CLEC4C: variants seen among roughly 807,000 people sequenced by gnomAD.
CLEC4C encodes the protein C-type (calcium dependent, carbohydrate-recognition domain) lectin, superfamily member 11.
A neutral mutation model predicts 27.7 loss-of-function variants in CLEC4C; 17 were observed. The observed-to-expected ratio is 0.61, with a 90% CI of 0.42 to 0.92. The LOEUF (loss-of-function observed/expected upper bound fraction) is 0.92. CLEC4C is among the 40% of genes least tolerant of loss of function. The pLI is 0.00. For synonymous variants in CLEC4C, 80 were observed against 80.8 expected (o/e 0.99, Z 0.06); for missense variants, 244 against 257.3 (o/e 0.95, Z 0.35).
At chr12:7,730,565 A>G (rs994481252) in intron 5 of CLEC4C, among the ~76,000 whole-genome samples, 6 of 151,578 alleles carry the variant, frequency 4.0e-5, no homozygotes, top group African/African-American at 1.2e-4. Flanking sequence ...ACTTGAACCC[A>G]GGAGGCAGAG....
intron 2 of CLEC4C, among the ~76,000 whole-genome samples, chr12:7,743,969 G>A (rs918932001): frequency 7.9e-5 from 12 of 152,256 alleles, no homozygotes; most frequent in African/African-American, 2.6e-4. Context: ...AAGGCAAAGC[G>A]GGAGCTGGCA....
upstream of CLEC4C, among the ~76,000 whole-genome samples, chr12:7,748,525 CA>C (rs55874050): frequency 4.1e-4 from 58 of 141,900 alleles, no homozygotes; most frequent in Admixed American, 1.1e-3. Flanking sequence ...GACTCAGTCT[CA>C]AAAAAAAAAA....
chr12:7,748,503 G>A (rs955455401), upstream of CLEC4C, among the ~76,000 whole-genome samples: 1 of 151,702 alleles, frequency 6.6e-6, no homozygotes, highest in Non-Finnish European at 1.5e-5. Context: ...TCCACCCTGG[G>A]TGACAGAGCA....
At position 7,741,450 on chromosome 12, in the gene CLEC4C, G is replaced by T; in HGVS notation, c.206C>A (p.Thr69Asn). The T allele has an allele frequency of 6.2e-7, 1 of 1,608,834 alleles. No individual in the cohort carries two copies. The highest frequency in any genetic ancestry group is 8.5e-7 in the Non-Finnish European group (1 of 1,175,064). The stretch of plus-strand genomic sequence containing the variant: ...TATGTCCTTTCCTTCCATGACGCAG[G>T]TCAGGCTTGGATGATACTGTTGATA... Reference protein sequence around the residue: ...REYQQYHPSLTCVMEGKDIED... With the variant: ...REYQQYHPSLNCVMEGKDIED... The change falls in exon 3 of 6, where the codon ACC becomes AAC. Residue 69 changes from threonine to asparagine, a missense_variant. Transcript: ENST00000360345.
At chr12:7,748,255 CG>C, upstream of CLEC4C, among the ~76,000 whole-genome samples, 4 of 152,256 alleles carry the variant, frequency 2.6e-5, no homozygotes, top group Admixed American at 2.6e-4. Context: ...GAGCTGGGCA[CG>C]GTGGCTCATG....
In CLEC4C at chr12:7,729,744, A is replaced by C. The variant is rs1565458259; in HGVS notation, c.498-4T>G. The C allele has an allele frequency of 6.2e-7, 1 of 1,613,454 alleles. No homozygotes were observed. Among genetic ancestry groups the C allele is most frequent in the African/African-American group, 1.3e-5 (1 of 75,024 alleles). On this transcript the variant is annotated splice_polypyrimidine_tract_variant and splice_region_variant and intron_variant, in intron 5 of 5. Coordinates refer to ENST00000360345, the MANE Select transcript of CLEC4C (RefSeq NM_001371390.1). Reference sequence around the variant, plus strand: ...GGGTTCACCTGAGTGCCAGAATCTGAAAGGTAGATAAAGGACAGTGGTGTT... The same window carrying C: ...GGGTTCACCTGAGTGCCAGAATCTGCAAGGTAGATAAAGGACAGTGGTGTT...
At chr12:7,732,136 T>C (rs1720850905) in intron 4 of CLEC4C, among the ~76,000 whole-genome samples, 1 of 151,770 alleles carries the variant, frequency 6.6e-6, no homozygotes, top group African/African-American at 2.4e-5. Context: ...TTCAAGTGAG[T>C]ATCCTGCCGC....
upstream of CLEC4C, chr12:7,748,997 C>A (rs1334668088): frequency 2.0e-5 from 3 of 152,218 alleles, no homozygotes; most frequent in Non-Finnish European, 4.4e-5. Flanking sequence ...TTGCTCACTA[C>A]TTCTTCCCCC....
chr12:7,735,472 C>T (rs771826609), intron 4 of CLEC4C, among the ~76,000 whole-genome samples: 2 of 146,250 alleles, frequency 1.4e-5, no homozygotes, highest in South Asian at 2.2e-4. Flanking sequence ...CACTGCACTC[C>T]AGCCTGGGCG....
At chr12:7,745,209 G>C (rs1054333934) in intron 2 of CLEC4C, among the ~76,000 whole-genome samples, 2 of 151,846 alleles carry the variant, frequency 1.3e-5, no homozygotes, top group East Asian at 1.9e-4. Flanking sequence ...GGTTATGAGG[G>C]GGGGCTCTCA....
chr12:7,735,417 C>T (rs12231017), intron 4 of CLEC4C, among the ~76,000 whole-genome samples: 21,762 of 150,454 alleles, frequency 0.14, 1,659 homozygotes, highest in East Asian at 0.31. Context: ...ACAGGAGAAT[C>T]GCTTGAACCC....
At chr12:7,734,101 T>A (rs1018418621) in intron 4 of CLEC4C, among the ~76,000 whole-genome samples, 1 of 152,004 alleles carries the variant, frequency 6.6e-6, no homozygotes, top group Non-Finnish European at 1.5e-5. Context: ...TTGACATAGG[T>A]TTTCAGATTA....
rs1864578438 is a variant in CLEC4C, at chr12:7,730,798, T to G, written c.496A>C (p.Thr166Pro). Residue 166 changes from threonine to proline, a missense_variant and splice_region_variant, in exon 5 of 6, where the codon ACA becomes CCA. Thr to Pro is a conservative substitution (Grantham distance 38). Coordinates refer to ENST00000360345, the MANE Select transcript of CLEC4C (RefSeq NM_001371390.1). Reference protein sequence around the residue: ...VDQTPYNENVTFWHSGEPNNL... With the variant: ...VDQTPYNENVPFWHSGEPNNL... ...TCCTTTACCTCATTCTATACTCACG[T>G]GACATTTTCATTGTATGGTGTCTGG... The G allele has an allele frequency of 6.5e-7, 1 of 1,547,232 alleles. No homozygotes were observed. The highest frequency in any genetic ancestry group is 8.9e-7 in the Non-Finnish European group (1 of 1,119,150).
chr12:7,748,035 G>T (rs760778440), upstream of CLEC4C, among the ~76,000 whole-genome samples: 1 of 151,604 alleles, frequency 6.6e-6, no homozygotes, highest in Admixed American at 6.6e-5. Flanking sequence ...TGGGGTTACC[G>T]TTGTGAGCCA....
intron 4 of CLEC4C, among the ~76,000 whole-genome samples, chr12:7,733,704 A>G (rs929724006): frequency 6.6e-6 from 1 of 151,482 alleles, no homozygotes; most frequent in African/African-American, 2.4e-5. Flanking sequence ...GATGGTCTCA[A>G]TCTCCTGACC....
At chr12:7,739,647 A>AT (rs1039426379) in intron 3 of CLEC4C, among the ~76,000 whole-genome samples, 102 of 151,914 alleles carry the variant, frequency 6.7e-4, no homozygotes, top group African/African-American at 2.5e-3. Context: ...TCATGGTTTG[A>AT]TTTTACCATC....
At chr12:7,740,471 G>A (rs1196413062) in intron 3 of CLEC4C, among the ~76,000 whole-genome samples, 5 of 151,846 alleles carry the variant, frequency 3.3e-5, no homozygotes, top group African/African-American at 9.7e-5. Flanking sequence ...AGGCCGATGC[G>A]GGAGGATTGC....
At chr12:7,738,952 T>C (rs892515623) in intron 3 of CLEC4C, among the ~76,000 whole-genome samples, 13 of 117,202 alleles carry the variant, frequency 1.1e-4, no homozygotes, top group Non-Finnish European at 1.6e-4. Flanking sequence ...CCTAATGCTA[T>C]CCCTCCCCCC....
intron 2 of CLEC4C, among the ~76,000 whole-genome samples, chr12:7,743,551 AT>A (rs967867367): frequency 3.5e-5 from 5 of 143,808 alleles, no homozygotes; most frequent in South Asian, 2.2e-4. Context: ...CGCCCGGCTA[AT>A]TTTTTTTGTA....
Sources: gnomAD v4.1 joint callset for allele counts (sites outside exome capture counted in the v4.1 genomes callset) on GRCh38, gnomAD v4.1.1 for gene constraint, MANE v1.5 for transcripts, NCBI Gene and HGNC (gene_info 2026-07-23, HGNC 2026-07-21) for gene names.